Variants in SAV1 observed in about 807,000 individuals in gnomAD.
SAV1 encodes the protein salvador family WW domain containing protein 1.
A neutral mutation model predicts 47.3 loss-of-function variants in SAV1; 23 were observed. That is an observed-to-expected ratio of 0.49 (90% confidence interval 0.35 to 0.69). SAV1 has a LOEUF of 0.69. SAV1 is among the 30% of genes least tolerant of loss of function. The pLI is 0.01. For synonymous variants in SAV1, 155 were observed against 159.2 expected (o/e 0.97, Z 0.20); for missense variants, 448 against 457.4 (o/e 0.98, Z 0.19).
chr14:50,651,075 G>C (rs550040944), intron 2 of SAV1, among the ~76,000 whole-genome samples: 1 of 149,952 alleles, frequency 6.7e-6, no homozygotes, highest in African/African-American at 2.4e-5. Context: ...GCGAAGCTTC[G>C]GATAACTGCA....
intron 1 of SAV1, 36 bp downstream of exon 1, chr14:50,667,838 T>G (rs772805512): frequency 6.4e-7 from 1 of 1,573,428 alleles, no homozygotes; most frequent in Non-Finnish European, 8.7e-7. Flanking sequence ...CCTGGCCGCC[T>G]GGGCCAGGTG....
At position 50,634,542 on chromosome 14, in the gene SAV1, G is replaced by A. The variant is rs939154009; in HGVS notation, c.*641C>T. ...TTTTTTGTATTTTTTGTAGAGATGG[G>A]GCTTCACCATGTTGCCCAGGCTGGT... On this transcript the variant is annotated 3_prime_UTR_variant, in exon 5 of 5. Coordinates refer to ENST00000324679, the MANE Select transcript of SAV1 (RefSeq NM_021818.4). 6.2e-6 allele frequency: 1 copy of A among 161,638 alleles called. No homozygotes were observed. The highest frequency in any genetic ancestry group is 6.2e-5 in the Admixed American group (1 of 16,200). The allele number at this position is 161,638 out of a possible 1,614,324, so 10.0% of individuals were successfully genotyped here.
At chr14:50,640,679 C>T (rs369673432) in intron 4 of SAV1, 71 bp downstream of exon 4, 33 of 1,385,658 alleles carry the variant, frequency 2.4e-5, no homozygotes, top group East Asian at 1.7e-4. Flanking sequence ...CTACTTGGAT[C>T]GAGCAGCCCA....
intron 2 of SAV1, among the ~76,000 whole-genome samples, chr14:50,656,308 G>A (rs1468616082): frequency 1.3e-5 from 2 of 151,964 alleles, no homozygotes; most frequent in Non-Finnish European, 1.5e-5. Context: ...GAGCCATGAA[G>A]TACCCAAAAA....
At position 50,660,735 on chromosome 14, in the gene SAV1, T is replaced by C. The variant is rs11848713; in HGVS notation, c.535+4444A>G. Among the ~76,000 whole-genome samples the C allele has an allele frequency of 7.8e-3, 1,181 of 152,284 alleles. 21 individuals carry two copies. Among genetic ancestry groups the C allele is most frequent in the African/African-American group, 0.026 (1,101 of 41,550 alleles). On this transcript the variant is annotated intron_variant, in intron 2 of 4. Coordinates refer to ENST00000324679, the MANE Select transcript of SAV1 (RefSeq NM_021818.4). ...AACTTTATGTTTGGACCCATTAACCTACCTCTCTTTACCTCCCCTCCCATC... is the reference window on the plus strand; with the variant it reads ...AACTTTATGTTTGGACCCATTAACCCACCTCTCTTTACCTCCCCTCCCATC...
chr14:50,656,974 A>G (rs752512410), intron 2 of SAV1, among the ~76,000 whole-genome samples: 3 of 152,096 alleles, frequency 2.0e-5, no homozygotes, highest in Non-Finnish European at 2.9e-5. Flanking sequence ...TCAAACTTCA[A>G]TAACTAACAT....
chr14:50,655,758 A>G (rs1371095446), intron 2 of SAV1, among the ~76,000 whole-genome samples: 1 of 152,126 alleles, frequency 6.6e-6, no homozygotes, highest in Non-Finnish European at 1.5e-5. Flanking sequence ...AATTAAAAAC[A>G]AGACAAGGGC....
At chr14:50,645,553 C>T (rs1438264796) in intron 2 of SAV1, among the ~76,000 whole-genome samples, 2 of 151,614 alleles carry the variant, frequency 1.3e-5, no homozygotes, top group East Asian at 1.9e-4. Context: ...TTATTATGTA[C>T]ATACAAATAT....
chr14:50,653,817 C>T (rs942088340), intron 2 of SAV1, among the ~76,000 whole-genome samples: 2 of 150,726 alleles, frequency 1.3e-5, no homozygotes, highest in African/African-American at 2.4e-5. Context: ...GGCAGTGAGC[C>T]GAGATCATGC....
rs373858054 is a variant in SAV1, at chr14:50,667,988, G to A, written c.-21C>T. 3 of 1,601,600 alleles carry A rather than the reference G, an allele frequency of 1.9e-6. No homozygotes were observed. The highest frequency in any genetic ancestry group is 4.5e-5 in the East Asian group (2 of 44,022). On this transcript the variant is annotated 5_prime_UTR_variant, in exon 1 of 5. Transcript: ENST00000324679. The stretch of plus-strand genomic sequence containing the variant: ...AGCATCCTTCTCGACGAGGCCCGAG[G>A]CCGCGCTGAACTGCCTCCCTAGGGC...
intron 3 of SAV1, among the ~76,000 whole-genome samples, chr14:50,643,748 T>TG (rs1190585703): frequency 2.0e-5 from 3 of 152,254 alleles, no homozygotes; most frequent in Middle Eastern, 3.4e-3. Context: ...CATGGAATCA[T>TG]GGGAAAAAAC....
At chr14:50,649,952 T>C (rs547859337) in intron 2 of SAV1, among the ~76,000 whole-genome samples, 19 of 152,292 alleles carry the variant, frequency 1.2e-4, no homozygotes, top group African/African-American at 4.6e-4. Context: ...CCCAGCTGAC[T>C]TTGAAGAGCT....
At chr14:50,649,339 C>T (rs749740283) in intron 2 of SAV1, among the ~76,000 whole-genome samples, 41 of 152,166 alleles carry the variant, frequency 2.7e-4, no homozygotes, top group Non-Finnish European at 4.6e-4. Context: ...ATTCTTAGGA[C>T]AGGAATCTTT....
chr14:50,650,333 T>C (rs1311400909), intron 2 of SAV1, among the ~76,000 whole-genome samples: 1 of 152,224 alleles, frequency 6.6e-6, no homozygotes, highest in Non-Finnish European at 1.5e-5. Flanking sequence ...ATTATATAGC[T>C]GTAAACATGA....
At chr14:50,666,488 C>T (rs2039902164) in intron 1 of SAV1, among the ~76,000 whole-genome samples, 1 of 152,096 alleles carries the variant, frequency 6.6e-6, no homozygotes, top group Non-Finnish European at 1.5e-5. Flanking sequence ...TATTAATAAG[C>T]TTCAGAAACT....
chr14:50,638,163 T>C (rs2039651888), intron 4 of SAV1, among the ~76,000 whole-genome samples: 2 of 152,198 alleles, frequency 1.3e-5, no homozygotes, highest in Admixed American at 1.3e-4. Context: ...CTCTGTTGCT[T>C]CTACATAGTT....
intron 4 of SAV1, among the ~76,000 whole-genome samples, chr14:50,640,013 A>G (rs560479436): frequency 6.6e-6 from 1 of 152,030 alleles, no homozygotes; most frequent in Non-Finnish European, 1.5e-5. Context: ...AGGGTCTCTC[A>G]TGCTCTGTCA....
chr14:50,640,293 T>A lies in SAV1; in HGVS notation c.950+457A>T, dbSNP rs184243765. On this transcript the variant is annotated intron_variant, in intron 4 of 4. Coordinates refer to ENST00000324679, the MANE Select transcript of SAV1 (RefSeq NM_021818.4). Reference sequence around the variant, plus strand: ...CAAAAAGCCTGGCTAATTTTTAAAATTTTTCTGTGGAAATGGGGCTCTCGT... The same window carrying A: ...CAAAAAGCCTGGCTAATTTTTAAAAATTTTCTGTGGAAATGGGGCTCTCGT... 6.3e-4 allele frequency among the ~76,000 whole-genome samples: 96 copies of A among 152,234 alleles called. 1 individual carries two copies. In the South Asian group the frequency reaches 0.012, roughly 19 times the overall value.
rs896389335 is a variant in SAV1, at chr14:50,667,760, T to C, written c.94+114A>G. The stretch of plus-strand genomic sequence containing the variant: ...ACAAGAAAATCTCAAAACCAGTATT[T>C]CACGCGACCAAGGACGAAGGAGAAG... On this transcript the variant is annotated intron_variant, in intron 1 of 4. Transcript: ENST00000324679. The C allele has an allele frequency of 1.1e-5, 8 of 738,822 alleles. No homozygotes were observed. The African/African-American group carries it at 1.2e-4, about 12-fold the overall frequency. The allele number at this position is 738,822 out of a possible 1,614,324, so 45.8% of individuals were successfully genotyped here. A position where few individuals can be genotyped will look rare whatever the true frequency, so the allele number is the denominator to read the frequency against.
Sources: gnomAD v4.1 joint callset for allele counts (sites outside exome capture counted in the v4.1 genomes callset) on GRCh38, gnomAD v4.1.1 for gene constraint, MANE v1.5 for transcripts, NCBI Gene and HGNC (gene_info 2026-07-23, HGNC 2026-07-21) for gene names.